Variants in PHTF2 observed in about 807,000 individuals in gnomAD.
PHTF2 encodes the protein putative homeodomain transcription factor 2.
Under a neutral mutation model 101.2 loss-of-function variants are expected in PHTF2, and 60 were observed. That is an observed-to-expected ratio of 0.59 (90% CI 0.48 to 0.73). The LOEUF (loss-of-function observed/expected upper bound fraction) is 0.73, where lower values mean the gene tolerates loss of function less well. Ranked by LOEUF, PHTF2 falls within the 30% of genes least tolerant of loss-of-function variation. The pLI is 0.00. For missense variants in PHTF2, 747 were observed against 908.7 expected (o/e 0.82, Z 2.29); for synonymous variants, 311 against 307.3 (o/e 1.01, Z -0.13).
At chr7:77,944,192 C>T (rs1805864348) in intron 16 of PHTF2, among the ~76,000 whole-genome samples, 1 of 152,092 alleles carries the variant, frequency 6.6e-6, no homozygotes. Context: ...GAGTGAAGTA[C>T]ATTGCCAGTA....
chr7:77,918,481 A>C (rs1398324418), intron 9 of PHTF2, among the ~76,000 whole-genome samples: 1 of 152,134 alleles, frequency 6.6e-6, no homozygotes, highest in East Asian at 1.9e-4. Context: ...GATTTTCATG[A>C]ACCTTTATAA....
At chr7:77,803,892 A>C (rs1215494977) in intron 1 of PHTF2, among the ~76,000 whole-genome samples, 3 of 152,306 alleles carry the variant, frequency 2.0e-5, no homozygotes, top group Admixed American at 6.5e-5. Flanking sequence ...CACATTATCA[A>C]CTTTTTTCTG....
At chr7:77,882,908 T>G (rs184136153) in intron 3 of PHTF2, among the ~76,000 whole-genome samples, 38 of 152,292 alleles carry the variant, frequency 2.5e-4, no homozygotes, top group Admixed American at 2.3e-3. Context: ...ATCTGACTTA[T>G]ACAAACTTCT....
At chr7:77,876,946 A>G (rs1412545935) in intron 3 of PHTF2, among the ~76,000 whole-genome samples, 1 of 152,166 alleles carries the variant, frequency 6.6e-6, no homozygotes, top group East Asian at 1.9e-4. Context: ...GTAATGTTAA[A>G]TTGTGTGGGT....
At chr7:77,849,224 A>G (rs1438005908) in intron 2 of PHTF2, among the ~76,000 whole-genome samples, 1 of 151,962 alleles carries the variant, frequency 6.6e-6, no homozygotes, top group Non-Finnish European at 1.5e-5. Context: ...CCTGGGTTCA[A>G]GTGATTCTCC....
At position 77,859,651 on chromosome 7, in the gene PHTF2, C is replaced by G. The variant is rs11973405; in HGVS notation, c.147+4817C>G. On this transcript the variant is annotated intron_variant, in intron 3 of 19. Coordinates refer to ENST00000416283, the Ensembl canonical transcript of PHTF2. ...CAATCACAGCTTACTGCAGCCGCAACCTCCCAGGCCTAAGCGATCTTCCCG... is the reference window on the plus strand; with the variant it reads ...CAATCACAGCTTACTGCAGCCGCAAGCTCCCAGGCCTAAGCGATCTTCCCG... Among the ~76,000 whole-genome samples the G allele has an allele frequency of 4.9e-3, 740 of 151,472 alleles. 7 individuals are homozygous for G. The highest frequency in any genetic ancestry group is 0.017 in the African/African-American group (698 of 41,292).
chr7:77,858,483 AGGTCTG>A (rs1797356437), intron 3 of PHTF2, among the ~76,000 whole-genome samples: 2 of 152,288 alleles, frequency 1.3e-5, no homozygotes, highest in South Asian at 4.1e-4. Flanking sequence ...ACCAAAACTA[AGGTCTG>A]CTGACTTTTA....
At chr7:77,948,959 G>A (rs1009009339) in intron 16 of PHTF2, among the ~76,000 whole-genome samples, 5 of 152,122 alleles carry the variant, frequency 3.3e-5, no homozygotes, top group African/African-American at 1.2e-4. Context: ...TTGCATGTGC[G>A]TACAAGGAAA....
intron 1 of PHTF2, among the ~76,000 whole-genome samples, chr7:77,799,970 T>G (rs1792405357): frequency 6.6e-6 from 1 of 152,244 alleles, no homozygotes; most frequent in Admixed American, 6.5e-5. Context: ...AGGTTTTTGG[T>G]TAGCTTTTGC....
intron 9 of PHTF2, among the ~76,000 whole-genome samples, chr7:77,913,675 G>A (rs562737791): frequency 9.2e-5 from 14 of 152,156 alleles, no homozygotes; most frequent in East Asian, 5.8e-4. Flanking sequence ...TCTCAAACTC[G>A]TGGGCTCAAG....
intron 11 of PHTF2, 200 bp downstream of exon 10, chr7:77,922,978 T>C (rs1197508714): frequency 2.3e-6 from 3 of 1,281,394 alleles, no homozygotes; most frequent in East Asian, 6.1e-5. Flanking sequence ...AGCCACACAT[T>C]TGAGCTCATT....
chr7:77,897,206 G>A (rs1315348583), intron 5 of PHTF2, among the ~76,000 whole-genome samples: 1 of 151,252 alleles, frequency 6.6e-6, no homozygotes, highest in Non-Finnish European at 1.5e-5. Context: ...AACTGTTTAT[G>A]TACTTTGATG....
chr7:77,841,655 C>T (rs1404425423), intron 2 of PHTF2, among the ~76,000 whole-genome samples: 1 of 151,948 alleles, frequency 6.6e-6, no homozygotes, highest in Non-Finnish European at 1.5e-5. Flanking sequence ...GTAGAACATG[C>T]CATAGGTATA....
intron 3 of PHTF2, among the ~76,000 whole-genome samples, chr7:77,887,005 T>A (rs1053466937): frequency 6.7e-6 from 1 of 150,128 alleles, no homozygotes; most frequent in African/African-American, 2.5e-5. Context: ...AAGATCATGC[T>A]ACTACACTCC....
chr7:77,897,588 A>G (rs1392891153), intron 5 of PHTF2, among the ~76,000 whole-genome samples: 5 of 152,290 alleles, frequency 3.3e-5, no homozygotes, highest in African/African-American at 1.2e-4. Flanking sequence ...AGTTCTTGAT[A>G]GTACTGAAAG....
intron 3 of PHTF2, among the ~76,000 whole-genome samples, chr7:77,880,219 T>C (rs1799292449): frequency 6.6e-6 from 1 of 152,218 alleles, no homozygotes; most frequent in Admixed American, 6.5e-5. Context: ...TATGCCATAA[T>C]GTATTTATTA....
Position 77,937,734 on chromosome 7 carries a change from TC to T in PHTF2, c.1366del (p.His456ThrfsTer4). 6.9e-7 allele frequency: 1 copy of T among 1,450,170 alleles called. No individual in the cohort carries two copies. The highest frequency in any genetic ancestry group is 9.3e-7 in the Non-Finnish European group (1 of 1,073,664). 89.8% of individuals were successfully genotyped at this position (1,450,170 alleles called of 1,614,324 possible). ...GAGTCATTTGCCCTGGCTCCATAGT[TC>T]CCACCCAGGATTAGAAAAAATAAGT... On this transcript the variant is annotated frameshift_variant, in exon 13 of 20. Coordinates refer to ENST00000416283, the Ensembl canonical transcript of PHTF2. LOFTEE classifies it high-confidence loss of function.
intron 15 of PHTF2, 108 bp from the exon 15 acceptor site, chr7:77,942,592 A>G (rs566663315): frequency 1.8e-6 from 1 of 553,322 alleles, no homozygotes; most frequent in Non-Finnish European, 3.2e-6. Flanking sequence ...GCTGTGATCA[A>G]CTGATGGTGA....
chr7:77,836,886 A>C (rs189063595), intron 1 of PHTF2, among the ~76,000 whole-genome samples: 1 of 151,940 alleles, frequency 6.6e-6, no homozygotes, highest in African/African-American at 2.4e-5. Context: ...TGATGGGTGC[A>C]GCAAACCACC....
Sources: gnomAD v4.1 joint callset for allele counts (sites outside exome capture counted in the v4.1 genomes callset) on GRCh38, gnomAD v4.1.1 for gene constraint, MANE v1.5 for transcripts, NCBI Gene and HGNC (gene_info 2026-07-23, HGNC 2026-07-21) for gene names.